Variants in SLC2A13 observed in about 807,000 individuals in gnomAD.
The protein encoded by SLC2A13 is proton myo-inositol cotransporter.
SLC2A13 carries 32 observed loss-of-function variants against 64.4 expected under a neutral mutation model. That is an observed-to-expected ratio of 0.50 (90% CI 0.37 to 0.67). The LOEUF is 0.67. Among genes scored for constraint, SLC2A13 ranks in the 30% least tolerant of loss-of-function variants. SLC2A13 has a pLI of 0.00. For missense variants in SLC2A13, 743 were observed against 829.2 expected, an observed-to-expected ratio of 0.90 and a Z score of 1.28; for synonymous variants, 338 against 327.1, an observed-to-expected ratio of 1.03 and a Z score of -0.36.
chr12:39,872,513 G>A (rs1944083685), intron 4 of SLC2A13, among the ~76,000 whole-genome samples: 3 of 152,198 alleles, frequency 2.0e-5, no homozygotes, highest in Non-Finnish European at 4.4e-5. Flanking sequence ...TGGGACCCAT[G>A]AGAATCATTT....
At chr12:39,978,628 G>A (rs918131545) in intron 3 of SLC2A13, among the ~76,000 whole-genome samples, 15 of 152,204 alleles carry the variant, frequency 9.9e-5, no homozygotes, top group Admixed American at 5.2e-4. Flanking sequence ...CTTAAAAAAC[G>A]GCGCACCACG....
In SLC2A13 at chr12:39,764,411, T is replaced by C. The variant is rs1317318948; in HGVS notation, c.1720+49A>G. 3.5e-6 allele frequency: 5 copies of C among 1,433,836 alleles called. No individual in the cohort carries two copies. The African/African-American group carries it at 7.3e-5, about 21-fold the overall frequency. 88.8% of individuals were successfully genotyped at this position (1,433,836 alleles called of 1,614,324 possible). ...AATGATATTATAGTGTATCTAAAAA[T>C]AGTGATAAAAATAAAAACAAAACTA... On this transcript the variant is annotated intron_variant, in intron 9 of 9. Coordinates refer to ENST00000280871, the MANE Select transcript of SLC2A13 (RefSeq NM_052885.4).
intron 1 of SLC2A13, among the ~76,000 whole-genome samples, chr12:40,074,588 A>G (rs1276469111): frequency 2.0e-5 from 3 of 152,072 alleles, no homozygotes; most frequent in African/African-American, 7.2e-5. Context: ...TATCCATTAG[A>G]GCCCTTAGCT....
At chr12:39,991,961 T>C (rs182226144) in intron 3 of SLC2A13, among the ~76,000 whole-genome samples, 1 of 152,328 alleles carries the variant, frequency 6.6e-6, no homozygotes, top group Admixed American at 6.5e-5. Context: ...CTTCTTTGAT[T>C]GCAATTATGC....
chr12:39,895,922 A>G (rs547032759), intron 4 of SLC2A13, among the ~76,000 whole-genome samples: 7 of 136,978 alleles, frequency 5.1e-5, no homozygotes, highest in African/African-American at 1.8e-4. Context: ...GTATGCATAT[A>G]TGTGTATATG....
In SLC2A13 at chr12:39,830,083, T is replaced by A; in HGVS notation, c.1445+20A>T. ...TTTGAAATATTATTATATATTCGTA[T>A]GGTAAAATGAGTGATATACCTGCCC... On this transcript the variant is annotated intron_variant, in intron 7 of 9. Coordinates refer to ENST00000280871, the MANE Select transcript of SLC2A13 (RefSeq NM_052885.4). The A allele has an allele frequency of 6.2e-7, 1 of 1,613,190 alleles. No homozygotes were observed. The highest frequency in any genetic ancestry group is 8.5e-7 in the Non-Finnish European group (1 of 1,179,486).
chr12:39,884,404 T>C (rs1314841537), intron 4 of SLC2A13, among the ~76,000 whole-genome samples: 2 of 152,232 alleles, frequency 1.3e-5, no homozygotes, highest in South Asian at 2.1e-4. Context: ...AATTAATCTA[T>C]GTCCTTTACC....
At chr12:39,999,704 C>G (rs1159461538) in intron 3 of SLC2A13, among the ~76,000 whole-genome samples, 3 of 152,058 alleles carry the variant, frequency 2.0e-5, no homozygotes, top group African/African-American at 7.2e-5. Flanking sequence ...TTGCATTTGC[C>G]CTTTGTCTTG....
At chr12:40,005,074 T>C (rs1947393358) in intron 3 of SLC2A13, among the ~76,000 whole-genome samples, 4 of 152,186 alleles carry the variant, frequency 2.6e-5, no homozygotes, top group Admixed American at 2.6e-4. Flanking sequence ...TAACCCTACC[T>C]TATCTGTAAT....
intron 1 of SLC2A13, among the ~76,000 whole-genome samples, chr12:40,089,197 T>C (rs1938683645): frequency 6.6e-6 from 1 of 152,168 alleles, no homozygotes; most frequent in Non-Finnish European, 1.5e-5. Flanking sequence ...CCGTACTTTA[T>C]AAACTCTCTC....
intron 3 of SLC2A13, among the ~76,000 whole-genome samples, chr12:40,002,309 G>A (rs1448735079): frequency 6.6e-6 from 1 of 152,104 alleles, no homozygotes. Flanking sequence ...GTTAAGTAAT[G>A]TATCCAACAA....
At chr12:39,826,486 T>C (rs928401657) in intron 7 of SLC2A13, among the ~76,000 whole-genome samples, 4 of 151,274 alleles carry the variant, frequency 2.6e-5, no homozygotes, top group African/African-American at 9.7e-5. Context: ...TCTCTTACTA[T>C]ACTTTGAGTC....
chr12:40,004,277 T>C (rs1947372194), intron 3 of SLC2A13, among the ~76,000 whole-genome samples: 1 of 152,022 alleles, frequency 6.6e-6, no homozygotes, highest in Non-Finnish European at 1.5e-5. Flanking sequence ...CTCCATGTCC[T>C]GGCTTCAAGC....
At chr12:39,790,475 T>C (rs556658663) in intron 7 of SLC2A13, among the ~76,000 whole-genome samples, 3 of 150,690 alleles carry the variant, frequency 2.0e-5, no homozygotes, top group Non-Finnish European at 1.5e-5. Flanking sequence ...CGGTGTTTGG[T>C]TTTTTGTTCT....
At chr12:40,029,352 T>G (rs1947870765) in intron 2 of SLC2A13, among the ~76,000 whole-genome samples, 1 of 152,208 alleles carries the variant, frequency 6.6e-6, no homozygotes, top group Non-Finnish European at 1.5e-5. Flanking sequence ...AAATTTAAGC[T>G]GTCTTTCAAA....
intron 1 of SLC2A13, among the ~76,000 whole-genome samples, chr12:40,082,435 G>A (rs1291008575): frequency 6.6e-6 from 1 of 152,184 alleles, no homozygotes; most frequent in Non-Finnish European, 1.5e-5. Flanking sequence ...TCTCTGTGAG[G>A]ATGGATATTC....
At chr12:39,895,767 C>CAT (rs370559616) in intron 4 of SLC2A13, among the ~76,000 whole-genome samples, 511 of 10,330 alleles carry the variant, frequency 0.049, 94 homozygotes, top group Non-Finnish European at 0.084. Flanking sequence ...TACGTACACA[C>CAT]ATGTATATGC....
At position 39,910,866 on chromosome 12, in the gene SLC2A13, C is replaced by T. The variant is rs1565538000; in HGVS notation, c.1035-38905G>A. Among the ~76,000 whole-genome samples the T allele has an allele frequency of 2.0e-5, 3 of 151,922 alleles. No homozygotes were observed. The South Asian group carries it at 6.2e-4, about 31-fold the overall frequency. On this transcript the variant is annotated intron_variant, in intron 4 of 9. Transcript: ENST00000280871. ...TTGGGAGGGTGAGGCAGGTGGACCA[C>T]GAAGTCAGGAGTTCAAGACCAGCCT... is the stretch of plus-strand genomic sequence containing the variant.
intron 1 of SLC2A13, among the ~76,000 whole-genome samples, chr12:40,057,758 C>A (rs1948354581): frequency 6.6e-6 from 1 of 152,162 alleles, no homozygotes; most frequent in Admixed American, 6.5e-5. Flanking sequence ...GAACACTATG[C>A]CTGAATAATT....
Sources: gnomAD v4.1 joint callset for allele counts (sites outside exome capture counted in the v4.1 genomes callset) on GRCh38, gnomAD v4.1.1 for gene constraint, MANE v1.5 for transcripts, NCBI Gene and HGNC (gene_info 2026-07-23, HGNC 2026-07-21) for gene names.